ZMYM2: variants seen among roughly 807,000 people sequenced by gnomAD.
ZMYM2 encodes the protein zinc finger MYM-type containing 2, also known as zinc finger MYM-type protein 2.
Under a neutral mutation model 162.8 loss-of-function variants are expected in ZMYM2, and 56 were observed. That is an observed-to-expected ratio of 0.34 (90% CI 0.28 to 0.43). The LOEUF (loss-of-function observed/expected upper bound fraction) is 0.43, where lower values mean the gene tolerates loss of function less well. Ranked by LOEUF, ZMYM2 falls within the 20% of genes least tolerant of loss-of-function variation. The pLI is 1.00. For missense variants in ZMYM2, 1,275 were observed against 1,621.8 expected (o/e 0.79, Z 3.67); for synonymous variants, 510 against 541.6 (o/e 0.94, Z 0.81).
intron 21 of ZMYM2, among the ~76,000 whole-genome samples, chr13:20,080,866 T>TA (rs1191279467): frequency 1.3e-5 from 2 of 152,204 alleles, no homozygotes; most frequent in African/African-American, 4.8e-5. Context: ...GGTACATGGT[T>TA]ACAGGTCATG....
chr13:20,041,650 C>G (rs901478198), intron 12 of ZMYM2, among the ~76,000 whole-genome samples: 3 of 152,120 alleles, frequency 2.0e-5, no homozygotes, highest in Admixed American at 6.6e-5. Context: ...TGTCACTTGT[C>G]TGTGTACTTA....
the ZMYM2 span, among the ~76,000 whole-genome samples, chr13:19,870,158 T>C: frequency 6.7e-5 from 10 of 150,126 alleles, no homozygotes; most frequent in Non-Finnish European, 1.5e-4. Flanking sequence ...ACTGCCTTTT[T>C]TATTTATTTA....
the ZMYM2 span, among the ~76,000 whole-genome samples, chr13:19,932,872 TG>T: frequency 6.6e-6 from 1 of 152,166 alleles, no homozygotes; most frequent in Non-Finnish European, 1.5e-5. Flanking sequence ...TTTGTTTGTT[TG>T]TTTGTATGTT....
chr13:20,045,401 G>A (rs1225484546), intron 12 of ZMYM2, among the ~76,000 whole-genome samples: 1 of 152,156 alleles, frequency 6.6e-6, no homozygotes, highest in Non-Finnish European at 1.5e-5. Context: ...CTTTACTGTT[G>A]CTTCTATATG....
At chr13:20,075,105 C>G (rs537556279) in intron 21 of ZMYM2, among the ~76,000 whole-genome samples, 38 of 152,254 alleles carry the variant, frequency 2.5e-4, no homozygotes, top group Admixed American at 6.5e-4. Flanking sequence ...AGTAAACTTT[C>G]CAGAAATCAG....
chr13:20,030,272 C>G (rs1174344039), intron 9 of ZMYM2, among the ~76,000 whole-genome samples: 1 of 151,198 alleles, frequency 6.6e-6, no homozygotes, highest in Admixed American at 6.6e-5. Context: ...GCTCTGTCAC[C>G]CAGGCTAGAG....
chr13:20,061,617 C>G (rs543278432), intron 17 of ZMYM2, among the ~76,000 whole-genome samples: 67 of 151,386 alleles, frequency 4.4e-4, no homozygotes, highest in African/African-American at 1.4e-3. Flanking sequence ...TAGATGAACT[C>G]TTGCTCTGTT....
In ZMYM2 at chr13:20,010,771, G is replaced by A. The variant is rs538620297; in HGVS notation, c.1512+4185G>A. Among the ~76,000 whole-genome samples, 172 of 152,202 alleles carry A rather than the reference G, an allele frequency of 1.1e-3. 2 individuals carry two copies. Among genetic ancestry groups the A allele is most frequent in the Middle Eastern group, 6.8e-3 (2 of 294 alleles). ...TTCTCCTGCCTCAGCCTCCTGAGTA[G>A]CTAGGAGTACAGGTGCGTGCCACCA... On this transcript the variant is annotated intron_variant, in intron 6 of 24. Transcript: ENST00000610343.
At position 19,993,434 on chromosome 13, in the gene ZMYM2, A is replaced by T; in HGVS notation, c.362A>T (p.Asp121Val). ...GTAAGTGAGACAATTGTCATTGATG[A>T]TGAAGAGGACATGGAAACAAATCAA... ...GSVSETIVIDDEEDMETNQGQ... is the reference protein window; with the variant it reads ...GSVSETIVIDVEEDMETNQGQ... The change falls in exon 3 of 25, where the codon GAT (aspartate) becomes GTT (valine). Residue 121 changes from aspartate (D) to valine (V), a missense_variant. This residue lies in a region of ZMYM2 where 295 missense variants were observed against 286.7 expected (regional missense o/e 1.03). Transcript: ENST00000610343. The T allele has an allele frequency of 6.2e-7, 1 of 1,613,968 alleles. No individual in the cohort carries two copies. The highest frequency in any genetic ancestry group is 8.5e-7 in the Non-Finnish European group (1 of 1,179,906).
intron 21 of ZMYM2, among the ~76,000 whole-genome samples, chr13:20,080,092 T>G (rs914876109): frequency 2.0e-5 from 3 of 152,240 alleles, no homozygotes; most frequent in African/African-American, 7.2e-5. Context: ...ACTGCTGTTC[T>G]CATTCATAAC....
chr13:19,873,324 C>T, the ZMYM2 span, among the ~76,000 whole-genome samples: 1 of 152,080 alleles, frequency 6.6e-6, no homozygotes, highest in Non-Finnish European at 1.5e-5. Context: ...CTTTCCCTCT[C>T]TCATGACACT....
At chr13:20,013,653 T>C (rs1273171929) in intron 6 of ZMYM2, among the ~76,000 whole-genome samples, 1 of 152,224 alleles carries the variant, frequency 6.6e-6, no homozygotes, top group Admixed American at 6.5e-5. Context: ...AGGTGTTGAA[T>C]TTTTCAAATG....
chr13:20,042,782 G>A lies in ZMYM2; in HGVS notation c.2292+5873G>A, dbSNP rs927707109. Among the ~76,000 whole-genome samples, 10 of 151,910 alleles carry A rather than the reference G, an allele frequency of 6.6e-5. No individual in the cohort carries two copies. The East Asian group carries it at 1.5e-3, about 23-fold the overall frequency. ...TATGTTGCCCAGACTGGAGTGCCGTGGCATGATCTTGGCTTACTGCAGCGT... is the reference window on the plus strand; with the variant it reads ...TATGTTGCCCAGACTGGAGTGCCGTAGCATGATCTTGGCTTACTGCAGCGT... On this transcript the variant is annotated intron_variant, in intron 12 of 24. Transcript: ENST00000610343.
the ZMYM2 span, among the ~76,000 whole-genome samples, chr13:19,909,938 G>A: frequency 3.9e-5 from 6 of 151,954 alleles, no homozygotes; most frequent in South Asian, 2.1e-4. Flanking sequence ...GGCCAAGGCC[G>A]GGCATGGTGG....
chr13:20,036,560 T>G (rs1488617878), intron 11 of ZMYM2, among the ~76,000 whole-genome samples, 177 bp from the exon 12 acceptor site: 1 of 152,226 alleles, frequency 6.6e-6, no homozygotes, highest in Non-Finnish European at 1.5e-5. Context: ...AGATAATATG[T>G]TATCTAATAA....
chr13:20,083,086 GAGTTTC>G, intron 23 of ZMYM2, 54 bp downstream of exon 23: 3 of 1,472,630 alleles, frequency 2.0e-6, no homozygotes, highest in Non-Finnish European at 2.7e-6. Flanking sequence ...TTTTGAGACA[GAGTTTC>G]ACTCTTGTTG....
At chr13:19,890,407 A>G in the ZMYM2 span, among the ~76,000 whole-genome samples, 6 of 149,234 alleles carry the variant, frequency 4.0e-5, no homozygotes, top group East Asian at 3.9e-4. Flanking sequence ...GGCTCAAGCA[A>G]TCCTCCTGCC....
chr13:20,066,936 C>T lies in ZMYM2; in HGVS notation c.3218C>T (p.Thr1073Met), dbSNP rs201336940. 6.3e-5 allele frequency: 101 copies of T among 1,613,234 alleles called. No individual in the cohort carries two copies. Among genetic ancestry groups the T allele is most frequent in the Non-Finnish European group, 2.3e-5 (27 of 1,179,594 alleles). ...NSECSFPFKY[T>M]YGVNAWKHWV... is the part of the protein sequence containing the mutation. Reference sequence around the variant, plus strand: ...GAATGCAGCTTTCCTTTCAAATATACGTATGGCGTAAATGCATGGAAACAC... The same window carrying T: ...GAATGCAGCTTTCCTTTCAAATATATGTATGGCGTAAATGCATGGAAACAC... Residue 1073 changes from threonine to methionine, a missense_variant, in exon 20 of 25, where the codon ACG becomes ATG. By Grantham distance (81) the Thr-to-Met change is moderately conservative (BLOSUM62 -1). Around this residue, in one of 10 missense-constraint regions of ZMYM2, gnomAD observed 229 missense variants for 283.8 expected, o/e 0.81. Coordinates refer to ENST00000610343, the MANE Select transcript of ZMYM2 (RefSeq NM_197968.4).
intron 12 of ZMYM2, among the ~76,000 whole-genome samples, chr13:20,050,891 A>G (rs1323326248): frequency 6.6e-6 from 1 of 152,070 alleles, no homozygotes; most frequent in Non-Finnish European, 1.5e-5. Flanking sequence ...GTGTTTTAGA[A>G]CATAAAGTTG....
Sources: gnomAD v4.1 joint callset for allele counts (sites outside exome capture counted in the v4.1 genomes callset) on GRCh38, gnomAD v4.1.1 for gene constraint, gnomAD v4.1.1 regional missense constraint, MANE v1.5 for transcripts, NCBI Gene and HGNC (gene_info 2026-07-23, HGNC 2026-07-21) for gene names.